The following DMD variants were observed in gnomAD, a reference collection of about 807,000 sequenced individuals.
The protein encoded by DMD is dystrophin, also known as mutant dystrophin.
Under a neutral mutation model 330.1 loss-of-function variants are expected in DMD, and 63 were observed. The ratio of observed to expected loss-of-function variants is 0.19; its 90% CI spans 0.16 to 0.24. DMD has a LOEUF of 0.24. Among genes scored for constraint, DMD ranks in the 10% least tolerant of loss-of-function variants. DMD has a pLI of 1.00. For synonymous variants in DMD, 1,223 were observed against 959.8 expected (o/e 1.27, Z -5.07); for missense variants, 3,344 against 2,684.1 (o/e 1.25, Z -5.43).
chrX:32,784,360 A>G (rs1403677751), intron 7 of DMD, among the ~76,000 whole-genome samples: 1 of 111,821 alleles, frequency 8.9e-6, no homozygotes, highest in East Asian at 2.8e-4. Context: ...GTAAAAATCC[A>G]TTGCTCAAAC....
At chrX:31,443,080 G>C (rs2065052340) in intron 60 of DMD, among the ~76,000 whole-genome samples, 2 of 111,508 alleles carry the variant, frequency 1.8e-5, no homozygotes, top group Non-Finnish European at 1.9e-5. Context: ...TTATTAAAAA[G>C]TTAAAACCAA....
At chrX:32,935,039 C>G (rs918522111) in intron 2 of DMD, among the ~76,000 whole-genome samples, 12 of 113,075 alleles carry the variant, frequency 1.1e-4, no homozygotes, top group Non-Finnish European at 1.9e-4. Context: ...AGCGCAGTGG[C>G]GCGATCTCGG....
At chrX:31,804,776 C>T (rs1365802472) in intron 50 of DMD, among the ~76,000 whole-genome samples, 3 of 110,107 alleles carry the variant, frequency 2.7e-5, no homozygotes, top group South Asian at 3.9e-4. Context: ...GCCTGGAACA[C>T]TCTCCCCTAC....
intron 1 of DMD, among the ~76,000 whole-genome samples, chrX:33,163,329 G>GA (rs1300633389): frequency 9.1e-6 from 1 of 109,370 alleles, no homozygotes; most frequent in Non-Finnish European, 1.9e-5. Flanking sequence ...CCGAGATCAG[G>GA]AGTTCGAGAC....
At chrX:33,006,711 A>G (rs1422859911) in intron 2 of DMD, among the ~76,000 whole-genome samples, 1 of 111,383 alleles carries the variant, frequency 9.0e-6, no homozygotes. Context: ...ATAGAGATAA[A>G]TGTATTTATT....
intron 13 of DMD, among the ~76,000 whole-genome samples, chrX:32,584,994 A>G (rs1264994016): frequency 8.9e-6 from 1 of 111,864 alleles, no homozygotes; most frequent in East Asian, 2.8e-4. Context: ...TATATACATA[A>G]TGCAATGTTA....
At chrX:32,011,567 G>T (rs1162907010) in intron 44 of DMD, among the ~76,000 whole-genome samples, 2 of 111,835 alleles carry the variant, frequency 1.8e-5, no homozygotes. Context: ...TGCTCTGGAA[G>T]GTATTTTGTG....
At chrX:33,079,227 G>A (rs2094889750) in intron 1 of DMD, among the ~76,000 whole-genome samples, 1 of 111,224 alleles carries the variant, frequency 9.0e-6, no homozygotes, top group Non-Finnish European at 1.9e-5. Flanking sequence ...GGTCAGGCTG[G>A]TCTTGAACTC....
In DMD at chrX:32,386,239, T is replaced by C. The variant is rs66989299; in HGVS notation, c.4674+71A>G. The stretch of plus-strand genomic sequence containing the variant: ...TTGCTAAGACTCTAATCATACATAA[T>C]TTATTGCCCGTTGCTTTACAATTTA... On this transcript the variant is annotated intron_variant, in intron 33 of 78. Transcript: ENST00000357033. The C allele has an allele frequency of 1.9e-3, 2,107 of 1,134,199 alleles. 22 individuals are homozygous for C. In the African/African-American group the frequency reaches 0.03, roughly 16 times the overall value. 93.5% of individuals were successfully genotyped at this position (1,134,199 alleles called of 1,213,427 possible). A position where few individuals can be genotyped will look rare whatever the true frequency, so the allele number is the denominator to read the frequency against.
At chrX:32,001,872 T>C (rs1401196185) in intron 44 of DMD, among the ~76,000 whole-genome samples, 1 of 111,742 alleles carries the variant, frequency 8.9e-6, no homozygotes, top group Non-Finnish European at 1.9e-5. Context: ...TGAGAAACTT[T>C]GAGGGTTAAC....
intron 48 of DMD, among the ~76,000 whole-genome samples, chrX:31,837,442 A>T (rs1352085069): frequency 8.9e-6 from 1 of 112,201 alleles, no homozygotes; most frequent in African/African-American, 3.2e-5. Context: ...TCCTTCAGGT[A>T]TATGAATATA....
intron 4 of DMD, among the ~76,000 whole-genome samples, chrX:32,827,063 C>CACACA (rs1557061569): frequency 2.0e-5 from 1 of 50,787 alleles, no homozygotes; most frequent in Non-Finnish European, 4.0e-5. Context: ...CGCACCCCCC[C>CACACA]CCCACACACA....
chrX:32,894,839 T>C (rs2085559200), intron 2 of DMD, among the ~76,000 whole-genome samples: 1 of 112,412 alleles, frequency 8.9e-6, no homozygotes, highest in Non-Finnish European at 1.9e-5. Flanking sequence ...TGCATGGGTG[T>C]TTTTACAGAG....
intron 34 of DMD, among the ~76,000 whole-genome samples, chrX:32,366,778 C>T (rs748730040): frequency 8.9e-6 from 1 of 112,081 alleles, no homozygotes; most frequent in East Asian, 2.8e-4. Context: ...ATCGGATAAA[C>T]AGGAGAAATA....
At chrX:32,462,529 TAA>T (rs10574156) in intron 25 of DMD, among the ~76,000 whole-genome samples, 2,113 of 111,784 alleles carry the variant, frequency 0.019, 61 homozygotes, top group African/African-American at 0.065. Flanking sequence ...TATTTAAATA[TAA>T]GAGAGATATC....
intron 11 of DMD, among the ~76,000 whole-genome samples, chrX:32,621,146 C>T (rs989383713): frequency 9.0e-6 from 1 of 110,825 alleles, no homozygotes; most frequent in Non-Finnish European, 1.9e-5. Flanking sequence ...TAAAGGGGGG[C>T]CTTTAGTGCA....
chrX:32,908,331 G>A (rs747621140), intron 2 of DMD, among the ~76,000 whole-genome samples: 152 of 111,893 alleles, frequency 1.4e-3, no homozygotes, highest in Admixed American at 2.3e-3. Context: ...CATATGGCTT[G>A]TAGTCTTCCA....
intron 52 of DMD, among the ~76,000 whole-genome samples, chrX:31,702,878 G>A (rs770585738): frequency 2.9e-5 from 3 of 103,882 alleles, no homozygotes; most frequent in Non-Finnish European, 3.9e-5. Flanking sequence ...TTTTTAATAG[G>A]GAGTCTCCCT....
intron 1 of DMD, among the ~76,000 whole-genome samples, chrX:33,175,552 T>C: frequency 8.9e-6 from 1 of 112,226 alleles, no homozygotes; most frequent in Non-Finnish European, 1.9e-5. Flanking sequence ...ATTTATGTCA[T>C]CCAATGCACA....
Sources: allele counts gnomAD v4.1 joint callset (sites outside exome capture counted in the v4.1 genomes callset), GRCh38; gene constraint gnomAD v4.1.1; transcripts MANE v1.5; gene names NCBI Gene and HGNC (gene_info 2026-07-23, HGNC 2026-07-21).